ZRANB3: variants seen among roughly 807,000 people sequenced by gnomAD.
ZRANB3 encodes the protein DNA annealing helicase and endonuclease ZRANB3.
ZRANB3 carries 125 observed loss-of-function variants against 133.8 expected under a neutral mutation model. That is an observed-to-expected ratio of 0.93 (90% CI 0.81 to 1.08). The LOEUF is 1.08. Ranked by LOEUF, ZRANB3 falls within the 50% of genes least tolerant of loss-of-function variation. The probability of loss-of-function intolerance (pLI) is 0.00; values close to 1 mark genes in which losing one functional copy is unlikely to be tolerated. For synonymous variants in ZRANB3, 387 were observed against 432.7 expected (o/e 0.89, Z 1.31); for missense variants, 1,229 against 1,275.5 (o/e 0.96, Z 0.56).
intron 2 of ZRANB3, among the ~76,000 whole-genome samples, chr2:135,395,939 C>G (rs559830374): frequency 3.9e-5 from 6 of 152,106 alleles, no homozygotes; most frequent in African/African-American, 1.2e-4. Context: ...GATTAATAAC[C>G]AGAATAAAGA....
intron 6 of ZRANB3, among the ~76,000 whole-genome samples, chr2:135,332,990 T>C (rs1684218960): frequency 6.6e-6 from 1 of 152,180 alleles, no homozygotes; most frequent in African/African-American, 2.4e-5. Flanking sequence ...CAAAAAGGCC[T>C]GAAGCCTTTT....
chr2:135,373,537 T>C (rs1343022902), intron 3 of ZRANB3, among the ~76,000 whole-genome samples: 5 of 152,008 alleles, frequency 3.3e-5, no homozygotes, highest in East Asian at 1.9e-4. Flanking sequence ...CCTGTAACTG[T>C]AGTACTTTGG....
chr2:135,354,681 T>G (rs1318440433), intron 3 of ZRANB3, among the ~76,000 whole-genome samples: 1 of 152,212 alleles, frequency 6.6e-6, no homozygotes, highest in Non-Finnish European at 1.5e-5. Flanking sequence ...ATTCAAAATC[T>G]ACATACTCTA....
chr2:135,284,851 C>CTT (rs111589193), intron 8 of ZRANB3, among the ~76,000 whole-genome samples: 4 of 144,102 alleles, frequency 2.8e-5, no homozygotes, highest in African/African-American at 1.0e-4. Context: ...CTTTTCTTTT[C>CTT]TTTTTTTTTT....
intron 2 of ZRANB3, among the ~76,000 whole-genome samples, chr2:135,431,973 G>T (rs1443438128): frequency 6.6e-6 from 1 of 152,108 alleles, no homozygotes; most frequent in Non-Finnish European, 1.5e-5. Flanking sequence ...AAAAAAGGCT[G>T]GCCGTGGTGG....
At chr2:135,221,397 G>A (rs1007248292) in intron 15 of ZRANB3, among the ~76,000 whole-genome samples, 6 of 152,234 alleles carry the variant, frequency 3.9e-5, no homozygotes, top group East Asian at 1.9e-4. Flanking sequence ...GCCTGAATAC[G>A]GGTCAGTGAG....
chr2:135,393,353 G>A (rs528437770), intron 2 of ZRANB3, among the ~76,000 whole-genome samples: 62 of 151,614 alleles, frequency 4.1e-4, no homozygotes, highest in South Asian at 6.3e-4. Flanking sequence ...AAAGCAAAAC[G>A]AGAACATGAA....
At chr2:135,334,480 G>A (rs1487645359) in intron 6 of ZRANB3, among the ~76,000 whole-genome samples, 2 of 151,938 alleles carry the variant, frequency 1.3e-5, no homozygotes, top group African/African-American at 2.4e-5. Flanking sequence ...TCTCAGATTC[G>A]AACCATTTGC....
intron 3 of ZRANB3, among the ~76,000 whole-genome samples, chr2:135,375,544 G>A (rs1333314611): frequency 6.6e-6 from 1 of 152,202 alleles, no homozygotes; most frequent in East Asian, 1.9e-4. Context: ...AACTAGCCGG[G>A]CATGGTGGCG....
At chr2:135,415,045 C>G (rs1300435931) in intron 2 of ZRANB3, among the ~76,000 whole-genome samples, 2 of 151,168 alleles carry the variant, frequency 1.3e-5, no homozygotes, top group Non-Finnish European at 2.9e-5. Flanking sequence ...ATTAAAAGAA[C>G]TAGAAAAGCA....
chr2:135,253,457 C>A (rs1251054879), intron 12 of ZRANB3, among the ~76,000 whole-genome samples: 1 of 152,170 alleles, frequency 6.6e-6, no homozygotes, highest in African/African-American at 2.4e-5. Context: ...CTTTGCTTAA[C>A]AACGGAGATA....
At chr2:135,216,338 T>A in intron 17 of ZRANB3, among the ~76,000 whole-genome samples, 1 of 152,144 alleles carries the variant, frequency 6.6e-6, no homozygotes, top group East Asian at 1.9e-4. Flanking sequence ...GATAAACTGA[T>A]GAAATATAAG....
At chr2:135,448,978 TG>T (rs1690147780) in intron 2 of ZRANB3, among the ~76,000 whole-genome samples, 1 of 152,214 alleles carries the variant, frequency 6.6e-6, no homozygotes, top group African/African-American at 2.4e-5. Context: ...TGTGGGCCTA[TG>T]ACTAAAATAG....
intron 2 of ZRANB3, among the ~76,000 whole-genome samples, chr2:135,477,724 T>C (rs1691565727): frequency 6.6e-6 from 1 of 152,210 alleles, no homozygotes; most frequent in African/African-American, 2.4e-5. Context: ...CCAGGTGTGG[T>C]GGCTCAGGTA....
chr2:135,223,727 A>C (rs1694645430), intron 15 of ZRANB3, among the ~76,000 whole-genome samples: 1 of 152,166 alleles, frequency 6.6e-6, no homozygotes, highest in South Asian at 2.1e-4. Context: ...GTTCTCAATA[A>C]ATTTTAGGAG....
chr2:135,375,085 T>C (rs1686359532), intron 3 of ZRANB3, among the ~76,000 whole-genome samples: 1 of 152,168 alleles, frequency 6.6e-6, no homozygotes, highest in African/African-American at 2.4e-5. Context: ...GAACTCTCTT[T>C]CACTGCTAAT....
chr2:135,420,105 A>ATG (rs1558988170), intron 2 of ZRANB3, among the ~76,000 whole-genome samples: 11 of 139,100 alleles, frequency 7.9e-5, no homozygotes, highest in African/African-American at 3.0e-4. Flanking sequence ...ATATATATAT[A>ATG]TATATATATA....
At chr2:135,403,749 C>T (rs1002036092) in intron 2 of ZRANB3, among the ~76,000 whole-genome samples, 1 of 152,138 alleles carries the variant, frequency 6.6e-6, no homozygotes, top group African/African-American at 2.4e-5. Context: ...TCCTCTGAGA[C>T]AAAACTTCCA....
chr2:135,308,788 C>T (rs141674187), intron 8 of ZRANB3, among the ~76,000 whole-genome samples: 87 of 151,436 alleles, frequency 5.7e-4, no homozygotes, highest in Non-Finnish European at 8.8e-4. Flanking sequence ...AAGCCTAATT[C>T]CTTCACTTAT....
Sources: gnomAD v4.1 joint callset for allele counts (sites outside exome capture counted in the v4.1 genomes callset) on GRCh38, gnomAD v4.1.1 for gene constraint, MANE v1.5 for transcripts, NCBI Gene and HGNC (gene_info 2026-07-23, HGNC 2026-07-21) for gene names.